Variants in CRMP1 observed in about 807,000 individuals in gnomAD.
CRMP1 encodes the protein dihydropyrimidinase-related protein 1.
CRMP1 carries 19 observed loss-of-function variants against 68.3 expected under a neutral mutation model. The observed-to-expected ratio is 0.28, with a 90% CI of 0.19 to 0.41. The LOEUF is 0.41. Among genes scored for constraint, CRMP1 ranks in the 10% least tolerant of loss-of-function variants. The pLI is 1.00. For synonymous variants in CRMP1, 439 were observed against 399.6 expected (o/e 1.10, Z -1.18); for missense variants, 791 against 967.4 (o/e 0.82, Z 2.42).
At chr4:5,847,997 C>T (rs1033544034) in intron 6 of CRMP1, among the ~76,000 whole-genome samples, 1 of 152,130 alleles carries the variant, frequency 6.6e-6, no homozygotes, top group Non-Finnish European at 1.5e-5. Flanking sequence ...GCCTGCCTGA[C>T]TTCTTTCTCT....
At position 5,854,286 on chromosome 4, in the gene CRMP1, A is replaced by G. The variant is rs540443658; in HGVS notation, c.820+1857T>C. ...CTTTTAAAAGATAGGGTCTCACTCT[A>G]TGAGCCAGGCTGGAGTGCAGTGCTC... On this transcript the variant is annotated intron_variant, in intron 4 of 13. Coordinates refer to ENST00000324989, the MANE Select transcript of CRMP1 (RefSeq NM_001014809.3). The surrounding 1 kb of genome is among the most constrained non-coding windows in gnomAD (Gnocchi z 4.0). Among the ~76,000 whole-genome samples the G allele has an allele frequency of 1.7e-3, 255 of 151,812 alleles. 3 individuals carry two copies. The highest frequency in any genetic ancestry group is 5.6e-3 in the African/African-American group (232 of 41,354).
At chr4:5,824,536 C>G in intron 13 of CRMP1, 1 of 984,508 alleles carries the variant, frequency 1.0e-6, no homozygotes, top group Non-Finnish European at 1.2e-6. Flanking sequence ...CTAAGCATAT[C>G]GCCTTTCCTG....
Position 5,821,951 on chromosome 4 carries a change from A to G in CRMP1, c.1970-100T>C. ...CTCTGCCATGCACTCCACTGGACCCACCTTCATTCAGGGCTCAGTCCAGGA... is the reference window on the plus strand; with the variant it reads ...CTCTGCCATGCACTCCACTGGACCCGCCTTCATTCAGGGCTCAGTCCAGGA... On this transcript the variant is annotated intron_variant, in intron 13 of 13. Transcript: ENST00000324989. The surrounding 1 kb of genome is among the most constrained non-coding windows in gnomAD (Gnocchi z 4.4). The G allele has an allele frequency of 1.6e-5, 15 of 917,006 alleles. No individual in the cohort carries two copies. Among genetic ancestry groups the G allele is most frequent in the Non-Finnish European group, 2.3e-5 (15 of 649,290 alleles). The allele number at this position is 917,006 out of a possible 1,614,324, so 56.8% of individuals were successfully genotyped here.
rs1401568451 is a variant in CRMP1, at chr4:5,853,353, G to A, written c.821-1884C>T. On this transcript the variant is annotated intron_variant, in intron 4 of 13. Coordinates refer to ENST00000324989, the MANE Select transcript of CRMP1 (RefSeq NM_001014809.3). This position sits in a 1 kb window ranked among gnomAD's most constrained non-coding sequence, Gnocchi z 4.7. Reference sequence around the variant, plus strand: ...ACTTTAACCTGGGAGGCAGTGAGCTGAGATCTCGCCATTGCACTCCAGCCT... The same window carrying A: ...ACTTTAACCTGGGAGGCAGTGAGCTAAGATCTCGCCATTGCACTCCAGCCT... Among the ~76,000 whole-genome samples, 2 of 152,146 alleles carry A rather than the reference G, an allele frequency of 1.3e-5. No individual in the cohort carries two copies. Among genetic ancestry groups the A allele is most frequent in the African/African-American group, 2.4e-5 (1 of 41,436 alleles).
intron 1 of CRMP1, among the ~76,000 whole-genome samples, chr4:5,868,252 A>ACTATATAT (rs1291514724): frequency 3.8e-4 from 39 of 102,438 alleles, no homozygotes; most frequent in South Asian, 1.4e-3. Flanking sequence ...ATTCTTCATG[A>ACTATATAT]CTATATATCT....
At position 5,841,431 on chromosome 4, in the gene CRMP1, G is replaced by A. The variant is rs747258085; in HGVS notation, c.1033-3C>T. 2 of 1,614,070 alleles carry A rather than the reference G, an allele frequency of 1.2e-6. No homozygotes were observed. The highest frequency in any genetic ancestry group is 2.2e-5 in the South Asian group (2 of 91,064). On this transcript the variant is annotated splice_region_variant and splice_polypyrimidine_tract_variant and intron_variant, in intron 7 of 13. Coordinates refer to ENST00000324989, the MANE Select transcript of CRMP1 (RefSeq NM_001014809.3). The surrounding 1 kb of genome is among the most constrained non-coding windows in gnomAD (Gnocchi z 6.9). ...CGGAACACCGCCTCGGCCTCCAGCTGAACACGGCACACACAGTGTCACAGG... is the reference window on the plus strand; with the variant it reads ...CGGAACACCGCCTCGGCCTCCAGCTAAACACGGCACACACAGTGTCACAGG...
In CRMP1 at chr4:5,860,102, C is replaced by T. The variant is rs562965557; in HGVS notation, c.655+924G>A. ...ACTGCTGGGGAGTGGTCTCACTGCC[C>T]GCAGTGTTTCCTTCCCTCCCCAACC... On this transcript the variant is annotated intron_variant, in intron 3 of 13. Transcript: ENST00000324989. The surrounding 1 kb of genome is among the most constrained non-coding windows in gnomAD (Gnocchi z 4.2). 1.0e-3 allele frequency among the ~76,000 whole-genome samples: 155 copies of T among 152,196 alleles called. No individual in the cohort carries two copies. The highest frequency in any genetic ancestry group is 3.4e-3 in the African/African-American group (141 of 41,530).
rs1347972955 is a variant in CRMP1 at position 5,892,842 on chromosome 4, T to C, written c.128A>G (p.Tyr43Cys). ...GTCGAAGTCGATGGTCTTGTTCTCG[T>C]AGGCGCCCTCCACCGCGGCGAACAT... ...GGMFAAVEGA[Y>C]ENKTIDFDAY... The change falls in exon 1 of 14, where the codon TAC becomes TGC. Residue 43 changes from tyrosine to cysteine, a missense_variant. By Grantham distance (194) the Tyr-to-Cys change is radical. Coordinates refer to ENST00000324989, the MANE Select transcript of CRMP1 (RefSeq NM_001014809.3). This position sits in a 1 kb window ranked among gnomAD's most constrained non-coding sequence, Gnocchi z 8.6. 4 of 1,415,706 alleles carry C rather than the reference T, an allele frequency of 2.8e-6. No homozygotes were observed. Among genetic ancestry groups the C allele is most frequent in the East Asian group, 3.3e-5 (1 of 30,280 alleles). 87.7% of individuals were successfully genotyped at this position (1,415,706 alleles called of 1,614,324 possible).
chr4:5,836,039 G>A lies in CRMP1; in HGVS notation c.1499C>T (p.Thr500Ile). The A allele has an allele frequency of 6.3e-7, 1 of 1,586,822 alleles. No homozygotes were observed. Among genetic ancestry groups the A allele is most frequent in the Non-Finnish European group, 8.6e-7 (1 of 1,166,706 alleles). ...CAGGTTAAAGATCTTGGCTGCATTG[G>A]TGCTGGTGACAGCGACAAACTGGTT... Reference protein sequence around the residue: ...DENQFVAVTSTNAAKIFNLYP... With the variant: ...DENQFVAVTSINAAKIFNLYP... The change falls in exon 11 of 14, where the codon ACC (threonine) becomes ATC (isoleucine). Residue 500 changes from threonine (T) to isoleucine (I), a missense_variant. Physicochemically the swap from Thr to Ile is moderately conservative, Grantham distance 89 (BLOSUM62 -1). This residue lies in a region of CRMP1 where 594 missense variants were observed against 763.6 expected (regional missense o/e 0.78). Coordinates refer to ENST00000324989, the MANE Select transcript of CRMP1 (RefSeq NM_001014809.3).
In CRMP1 at chr4:5,833,472, C is replaced by CTT. The variant is rs200861597; in HGVS notation, c.1623+2441_1623+2442dup. On this transcript the variant is annotated intron_variant, in intron 11 of 13. Coordinates refer to ENST00000324989, the MANE Select transcript of CRMP1 (RefSeq NM_001014809.3). ...TGAGCCACCGCGCCCGGCCCCAGAA[C>CTT]TTTTAAGAGATGAAATTTCTTTTGT... 4.3e-3 allele frequency among the ~76,000 whole-genome samples: 648 copies of CTT among 151,952 alleles called. 54 individuals are homozygous for CTT. The highest frequency in any genetic ancestry group is 0.034 in the Admixed American group (510 of 15,140).
intron 6 of CRMP1, among the ~76,000 whole-genome samples, chr4:5,848,760 G>A (rs753274117): frequency 6.6e-6 from 1 of 152,182 alleles, no homozygotes; most frequent in Non-Finnish European, 1.5e-5. Flanking sequence ...GGGCCTTCTT[G>A]CTGCATCATA....
chr4:5,888,362 A>C lies in CRMP1; in HGVS notation c.381+4227T>G. The C allele has an allele frequency of 8.1e-7, 1 of 1,228,434 alleles. No homozygotes were observed. The allele number at this position is 1,228,434 out of a possible 1,614,324, so 76.1% of individuals were successfully genotyped here. A position where few individuals can be genotyped will look rare whatever the true frequency, so the allele number is the denominator to read the frequency against. On this transcript the variant is annotated intron_variant, in intron 1 of 13. Coordinates refer to ENST00000324989, the MANE Select transcript of CRMP1 (RefSeq NM_001014809.3). The surrounding 1 kb of genome is among the most constrained non-coding windows in gnomAD (Gnocchi z 6.4). Reference sequence around the variant, plus strand: ...CCCGCTCCCAGCGGGCGCGCTGACAAAGGCCCGGGAGGGATAGAGACACGG... The same window carrying C: ...CCCGCTCCCAGCGGGCGCGCTGACACAGGCCCGGGAGGGATAGAGACACGG...
rs1020479975 is a variant in CRMP1 at position 5,865,710 on chromosome 4, C to T, written c.470+958G>A. 1.4e-4 allele frequency among the ~76,000 whole-genome samples: 21 copies of T among 152,072 alleles called. No homozygotes were observed. Among genetic ancestry groups the T allele is most frequent in the African/African-American group, 5.1e-4 (21 of 41,490 alleles). On this transcript the variant is annotated intron_variant, in intron 2 of 13. Coordinates refer to ENST00000324989, the MANE Select transcript of CRMP1 (RefSeq NM_001014809.3). The surrounding 1 kb of genome is among the most constrained non-coding windows in gnomAD (Gnocchi z 4.1). ...TATCTCCCAAAATTCATGTTGAAGCCCCAGCCCACCCCATGGGACTACCTT... is the reference window on the plus strand; with the variant it reads ...TATCTCCCAAAATTCATGTTGAAGCTCCAGCCCACCCCATGGGACTACCTT...
Position 5,842,678 on chromosome 4 carries a change from TCA to T in CRMP1, c.1032+413_1032+414del, listed in dbSNP as rs199626986. On this transcript the variant is annotated intron_variant, in intron 7 of 13. Transcript: ENST00000324989. The surrounding 1 kb of genome is among the most constrained non-coding windows in gnomAD (Gnocchi z 4.5). ...CACACACACACTAACATACACACAC[TCA>T]CACACACACATACACACACAGCCAG... Among the ~76,000 whole-genome samples the T allele has an allele frequency of 0.016, 2,442 of 150,174 alleles. 53 individuals carry two copies. The highest frequency in any genetic ancestry group is 0.055 in the African/African-American group (2,269 of 40,978).
chr4:5,853,807 A>G lies in CRMP1; in HGVS notation c.820+2336T>C, dbSNP rs886608006. ...AACAAAGTTGAAGCTGTGGAACCCT[A>G]TGTTAAGGGAAATAAGTCAGGCACA... On this transcript the variant is annotated intron_variant, in intron 4 of 13. Coordinates refer to ENST00000324989, the MANE Select transcript of CRMP1 (RefSeq NM_001014809.3). This position sits in a 1 kb window ranked among gnomAD's most constrained non-coding sequence, Gnocchi z 4.7. Among the ~76,000 whole-genome samples the G allele has an allele frequency of 6.6e-6, 1 of 152,274 alleles. No homozygotes were observed. Among genetic ancestry groups the G allele is most frequent in the Non-Finnish European group, 1.5e-5 (1 of 68,044 alleles).
intron 3 of CRMP1, among the ~76,000 whole-genome samples, chr4:5,857,554 G>A (rs1366512817): frequency 6.6e-6 from 1 of 152,084 alleles, no homozygotes. Context: ...CTTACTATTT[G>A]TCAGATAATG....
At chr4:5,822,407 G>C (rs1718770370) in intron 13 of CRMP1, among the ~76,000 whole-genome samples, 1 of 150,508 alleles carries the variant, frequency 6.6e-6, no homozygotes, top group Non-Finnish European at 1.5e-5. Flanking sequence ...GTACACATTT[G>C]TATATGCATG....
chr4:5,851,887 A>G (rs1712669030), intron 4 of CRMP1, among the ~76,000 whole-genome samples: 1 of 90,548 alleles, frequency 1.1e-5, no homozygotes, highest in Non-Finnish European at 2.4e-5. Context: ...GAAGAGGAAG[A>G]GGAGGAGGAA....
intron 6 of CRMP1, among the ~76,000 whole-genome samples, chr4:5,845,939 C>G (rs1055701359): frequency 6.6e-6 from 1 of 152,110 alleles, no homozygotes; most frequent in East Asian, 1.9e-4. Context: ...TTGTTAAGAA[C>G]TCAGAAAGAT....
Sources: allele counts gnomAD v4.1 joint callset (sites outside exome capture counted in the v4.1 genomes callset), GRCh38; gene constraint gnomAD v4.1.1; regional missense constraint gnomAD v4.1.1; non-coding constraint Gnocchi (gnomAD v3.1); transcripts MANE v1.5; gene names NCBI Gene and HGNC (gene_info 2026-07-23, HGNC 2026-07-21).